The following OR7D2 variants were observed in gnomAD, a reference collection of about 807,000 sequenced individuals.
OR7D2 encodes olfactory receptor family 7 subfamily D member 2, also known as olfactory receptor 7D2.
For synonymous variants in OR7D2, 158 were observed against 158.7 expected, an observed-to-expected ratio of 1.00 and a Z score of 0.03; for missense variants, 370 against 384.1, an observed-to-expected ratio of 0.96 and a Z score of 0.31.
At chr19:9,185,474 A>G (rs1018249716) in intron 2 of OR7D2, 1 of 151,698 alleles carries the variant, frequency 6.6e-6, no homozygotes, top group Non-Finnish European at 1.5e-5. Flanking sequence ...TTGGATGTTA[A>G]CTGATGTTTC....
rs958658281 is a variant in OR7D2 at position 9,188,730 on chromosome 19, T to C, written c.*2010T>C. ...CTATGTGTTTGCATGTGGGTTTTTG[T>C]TGTTTGTGTGTTCGATCATGAACAG... On this transcript the variant is annotated 3_prime_UTR_variant, in exon 3 of 3. Transcript: ENST00000641288. 1 of 167,120 alleles carries C rather than the reference T, an allele frequency of 6.0e-6. No homozygotes were observed. The highest frequency in any genetic ancestry group is 2.4e-5 in the African/African-American group (1 of 41,462). The allele number at this position is 167,120 out of a possible 1,614,324, so 10.4% of individuals were successfully genotyped here. A position where few individuals can be genotyped will look rare whatever the true frequency, so the allele number is the denominator to read the frequency against.
At position 9,186,327 on chromosome 19, in the gene OR7D2, G is replaced by A. The variant is rs1159005248; in HGVS notation, c.546G>A (p.Thr182=). ...FEIPHFFCEL[T]YILQLACSDT... is the part of the protein sequence containing the mutation. ...TTCCACATTTTTTCTGCGAACTGAC[G>A]TACATCCTCCAGCTGGCCTGCTCTG... Residue 182 remains threonine, a synonymous_variant, in exon 3 of 3, where the codon ACG becomes ACA. Coordinates refer to ENST00000641288, the MANE Select transcript of OR7D2 (RefSeq NM_175883.4). 43 of 1,613,810 alleles carry A rather than the reference G, an allele frequency of 2.7e-5. No homozygotes were observed. Among genetic ancestry groups the A allele is most frequent in the African/African-American group, 6.7e-5 (5 of 74,882 alleles).
At chr19:9,182,075 C>G (rs1193087067) in intron 2 of OR7D2, among the ~76,000 whole-genome samples, 1 of 152,156 alleles carries the variant, frequency 6.6e-6, no homozygotes, top group Non-Finnish European at 1.5e-5. Flanking sequence ...GGGTGGTTAA[C>G]TATGAGATAT....
Position 9,187,683 on chromosome 19 carries a change from C to T in OR7D2, c.*963C>T, listed in dbSNP as rs542543317. The T allele has an allele frequency of 6.0e-6, 1 of 166,946 alleles. No homozygotes were observed. Among genetic ancestry groups the T allele is most frequent in the East Asian group, 1.9e-4 (1 of 5,188 alleles). 10.3% of individuals were successfully genotyped at this position (166,946 alleles called of 1,614,324 possible). ...AGTCACCAAAGTTCATTATATTGTT[C>T]ATATCCCTTTGTGTCCTCATAGCTT... On this transcript the variant is annotated 3_prime_UTR_variant, in exon 3 of 3. Coordinates refer to ENST00000641288, the MANE Select transcript of OR7D2 (RefSeq NM_175883.4).
In OR7D2 at chr19:9,185,839, G is replaced by A; in HGVS notation, c.58G>A (p.Asp20Asn). ...LEFILLGLSE[D>N]PELQPFIFGL... ...GTTTATCCTTCTCGGACTCTCTGAG[G>A]ATCCAGAACTACAGCCGTTCATATT... The change falls in exon 3 of 3, where the codon GAT becomes AAT. Residue 20 changes from aspartate (D) to asparagine (N), a missense_variant. Asp to Asn is a conservative substitution (Grantham distance 23, BLOSUM62 1). Coordinates refer to ENST00000641288, the MANE Select transcript of OR7D2 (RefSeq NM_175883.4). The A allele has an allele frequency of 6.2e-7, 1 of 1,610,382 alleles. No homozygotes were observed. The highest frequency in any genetic ancestry group is 8.5e-7 in the Non-Finnish European group (1 of 1,178,308).
At chr19:9,184,175 A>C (rs1243958870) in intron 2 of OR7D2, among the ~76,000 whole-genome samples, 1 of 151,954 alleles carries the variant, frequency 6.6e-6, no homozygotes, top group East Asian at 1.9e-4. Flanking sequence ...CGGGTGGATC[A>C]CTTGAGGCCA....
chr19:9,186,495 T>A lies in OR7D2; in HGVS notation c.714T>A (p.Leu238=). The A allele has an allele frequency of 6.2e-7, 1 of 1,614,142 alleles. No individual in the cohort carries two copies. The highest frequency in any genetic ancestry group is 1.1e-5 in the South Asian group (1 of 91,070). The change falls in exon 3 of 3, where the codon CTT becomes CTA. Residue 238 remains leucine, a synonymous_variant. Coordinates refer to ENST00000641288, the MANE Select transcript of OR7D2 (RefSeq NM_175883.4). ...MSSSGGKQKA[L]STCGSHLSVV... Reference sequence around the variant, plus strand: ...CATCTGGGGGAAAACAAAAAGCACTTTCCACCTGTGGGTCTCACCTCTCCG... The same window carrying A: ...CATCTGGGGGAAAACAAAAAGCACTATCCACCTGTGGGTCTCACCTCTCCG...
chr19:9,183,030 T>C, intron 2 of OR7D2: 1 of 391,992 alleles, frequency 2.6e-6, no homozygotes, highest in Non-Finnish European at 5.2e-6. Context: ...CCACCGTAGG[T>C]TTTCTTCTCA....
At chr19:9,179,679 G>C (rs1416380927) in intron 1 of OR7D2, among the ~76,000 whole-genome samples, 1 of 152,062 alleles carries the variant, frequency 6.6e-6, no homozygotes, top group African/African-American at 2.4e-5. Flanking sequence ...CAGTCTACCT[G>C]CTAACACCTT....
rs1186210735 is a variant in OR7D2 at position 9,186,630 on chromosome 19, C to T, written c.849C>T (p.Pro283=). The part of the protein sequence containing the change: ...VASVMYTVVT[P]MLNPFIYSLR... ...CGGTGATGTACACTGTGGTCACCCCCATGTTGAACCCCTTCATCTACAGCC... is the reference window on the plus strand; with the variant it reads ...CGGTGATGTACACTGTGGTCACCCCTATGTTGAACCCCTTCATCTACAGCC... The change falls in exon 3 of 3, where the codon CCC becomes CCT. Residue 283 remains proline (P), a synonymous_variant. Coordinates refer to ENST00000641288, the MANE Select transcript of OR7D2 (RefSeq NM_175883.4). The T allele has an allele frequency of 1.2e-6, 2 of 1,614,002 alleles. No homozygotes were observed. Among genetic ancestry groups the T allele is most frequent in the East Asian group, 2.2e-5 (1 of 44,880 alleles).
intron 2 of OR7D2, among the ~76,000 whole-genome samples, chr19:9,184,820 T>G (rs2051018675): frequency 6.6e-6 from 1 of 152,306 alleles, no homozygotes; most frequent in African/African-American, 2.4e-5. Flanking sequence ...TTTACACAAT[T>G]TTTACAATCA....
rs953627550 is a variant in OR7D2 at position 9,187,786 on chromosome 19, C to G, written c.*1066C>G. ...TGTTGGTTGAACATACAAACAAGTC[C>G]AGGTTTTTCATTCCTGAGTTACTTC... On this transcript the variant is annotated 3_prime_UTR_variant, in exon 3 of 3. Coordinates refer to ENST00000641288, the MANE Select transcript of OR7D2 (RefSeq NM_175883.4). 2.4e-5 allele frequency: 4 copies of G among 166,508 alleles called. No individual in the cohort carries two copies. Among genetic ancestry groups the G allele is most frequent in the African/African-American group, 9.7e-5 (4 of 41,410 alleles). The allele number at this position is 166,508 out of a possible 1,614,324, so 10.3% of individuals were successfully genotyped here.
At chr19:9,182,575 T>C (rs1173592532) in intron 2 of OR7D2, 1 of 162,498 alleles carries the variant, frequency 6.2e-6, no homozygotes, top group Non-Finnish European at 1.3e-5. Context: ...TGGAGTGCAG[T>C]GTCGCGAGAT....
chr19:9,180,252 T>G (rs2050980767), intron 1 of OR7D2, among the ~76,000 whole-genome samples: 1 of 152,004 alleles, frequency 6.6e-6, no homozygotes, highest in South Asian at 2.1e-4. Flanking sequence ...ACCTCCTGCC[T>G]TGGCCTCCCA....
intron 2 of OR7D2, among the ~76,000 whole-genome samples, chr19:9,184,991 T>TAGAG (rs55688610): frequency 0.47 from 70,527 of 151,446 alleles, 18,494 homozygotes; most frequent in African/African-American, 0.73. Flanking sequence ...AAGTCAAATA[T>TAGAG]AGAGAATAAA....
At chr19:9,182,285 G>A (rs2145979629) in intron 2 of OR7D2, 1 of 169,946 alleles carries the variant, frequency 5.9e-6, no homozygotes, top group African/African-American at 2.4e-5. Flanking sequence ...TAGGCAACAT[G>A]CTATATATGA....
Position 9,186,562 on chromosome 19 carries a change from A to T in OR7D2, c.781A>T (p.Thr261Ser), listed in dbSNP as rs1161092423. The change falls in exon 3 of 3, where the codon ACT becomes TCT. Residue 261 changes from threonine (T) to serine (S), a missense_variant. By Grantham distance (58) the Thr-to-Ser change is moderately conservative (BLOSUM62 1). Coordinates refer to ENST00000641288, the MANE Select transcript of OR7D2 (RefSeq NM_175883.4). ...TGGGACAGGCATTGGGGTCCACTTC[A>T]CTTCTGCGGTGACTCACTCTTCCCA... Reference protein sequence around the residue: ...FYGTGIGVHFTSAVTHSSQKI... With the variant: ...FYGTGIGVHFSSAVTHSSQKI... 2.5e-6 allele frequency: 4 copies of T among 1,613,552 alleles called. No individual in the cohort carries two copies. The African/African-American group carries it at 5.3e-5, about 22-fold the overall frequency.
intron 1 of OR7D2, 114 bp from the exon 2 acceptor site, chr19:9,180,584 T>C (rs996018904): frequency 1.3e-5 from 2 of 152,214 alleles, no homozygotes; most frequent in African/African-American, 4.8e-5. Flanking sequence ...ATCCAAAAGA[T>C]AACTTCATTT....
At chr19:9,181,262 A>G (rs1044722147) in intron 2 of OR7D2, among the ~76,000 whole-genome samples, 3 of 150,026 alleles carry the variant, frequency 2.0e-5, no homozygotes, top group African/African-American at 7.4e-5. Flanking sequence ...TAATTAGTAT[A>G]TAGCATTAAT....
Sources: allele counts gnomAD v4.1 joint callset (sites outside exome capture counted in the v4.1 genomes callset), GRCh38; gene constraint gnomAD v4.1.1; transcripts MANE v1.5; gene names NCBI Gene and HGNC (gene_info 2026-07-23, HGNC 2026-07-21).